TRRAP: variants seen among roughly 807,000 people sequenced by gnomAD.
TRRAP encodes the protein transformation/transcription domain associated protein, also known as transformation/transcription domain-associated protein.
In TRRAP, 41 loss-of-function variants were observed where a neutral mutation model predicts 438.8. The ratio of observed to expected loss-of-function variants is 0.09; its 90% CI spans 0.07 to 0.12. The LOEUF is 0.12. Ranked by LOEUF, TRRAP falls within the 10% of genes least tolerant of loss-of-function variation. The pLI is 1.00. For synonymous variants in TRRAP, 1,994 were observed against 1,962.9 expected (o/e 1.02, Z -0.42); for missense variants, 3,122 against 5,055.1 (o/e 0.62, Z 11.60).
chr7:98,925,065 C>T (rs1554411312), intron 21 of TRRAP, 47 bp from the exon 22 acceptor site: 2 of 1,562,490 alleles, frequency 1.3e-6, no homozygotes, highest in Admixed American at 4.0e-5. Context: ...TTTTCACAAT[C>T]ATGTAATTTC....
intron 17 of TRRAP, 101 bp downstream of exon 17, chr7:98,911,372 C>G: frequency 8.4e-7 from 1 of 1,188,122 alleles, no homozygotes; most frequent in Non-Finnish European, 1.1e-6. Context: ...ATAATGTAGC[C>G]AAGGATGTGC....
intron 35 of TRRAP, 131 bp from the exon 36 acceptor site, chr7:98,949,286 T>G: frequency 2.6e-6 from 3 of 1,151,532 alleles, no homozygotes; most frequent in Non-Finnish European, 1.1e-6. Flanking sequence ...GTGTGGTGCT[T>G]TTTTGGTAAG....
chr7:98,909,129 TTC>T (rs1796934760), intron 14 of TRRAP, among the ~76,000 whole-genome samples, 167 bp downstream of exon 14: 1 of 151,912 alleles, frequency 6.6e-6, no homozygotes, highest in African/African-American at 2.4e-5. Flanking sequence ...GTTCAAGTGA[TTC>T]TCATGCCTCA....
In TRRAP at chr7:98,910,318, A is replaced by G; in HGVS notation, c.1613A>G (p.Lys538Arg). The change falls in exon 15 of 73, where the codon AAG becomes AGG. Residue 538 changes from lysine (K) to arginine (R), a missense_variant. Lys to Arg is a conservative substitution (Grantham distance 26, BLOSUM62 2). Transcript: ENST00000456197. ...CAAGGAGAAAAGGACAAGGAAGACA[A>G]GCAGACATTCCAAGTCACAGACTGT... Reference protein sequence around the residue: ...EKQGEKDKEDKQTFQVTDCRS... With the variant: ...EKQGEKDKEDRQTFQVTDCRS... 1 of 1,610,268 alleles carries G rather than the reference A, an allele frequency of 6.2e-7. No homozygotes were observed. Among genetic ancestry groups the G allele is most frequent in the African/African-American group, 1.3e-5 (1 of 74,866 alleles).
intron 3 of TRRAP, among the ~76,000 whole-genome samples, chr7:98,888,303 A>G (rs1275658420): frequency 6.6e-6 from 1 of 151,746 alleles, no homozygotes; most frequent in East Asian, 1.9e-4. Flanking sequence ...TTGGGAGGCC[A>G]AAGCAGGTGG....
intron 3 of TRRAP, among the ~76,000 whole-genome samples, 159 bp from the exon 4 acceptor site, chr7:98,890,176 T>A (rs1562926982): frequency 6.6e-6 from 1 of 152,240 alleles, no homozygotes; most frequent in African/African-American, 2.4e-5. Context: ...AATACAATCA[T>A]CCTAATTTAA....
rs782666297 is a variant in TRRAP, at chr7:98,927,372, C to T, written c.3175+6C>T. 1 of 1,613,884 alleles carries T rather than the reference C, an allele frequency of 6.2e-7. No homozygotes were observed. Among genetic ancestry groups the T allele is most frequent in the Non-Finnish European group, 8.5e-7 (1 of 1,179,918 alleles). ...GGCAGTCGCCCAGCAGTGTGGTGAG[C>T]ACGGGGGCACGGTGGGGCACGGGAT... On this transcript the variant is annotated splice_donor_region_variant and intron_variant, in intron 23 of 72. Coordinates refer to ENST00000456197, the MANE Select transcript of TRRAP (RefSeq NM_001375524.1).
At chr7:98,939,183 C>G (rs1790684637) in intron 30 of TRRAP, among the ~76,000 whole-genome samples, 1 of 152,144 alleles carries the variant, frequency 6.6e-6, no homozygotes, top group South Asian at 2.1e-4. Flanking sequence ...AGCCTTTGAC[C>G]ATTTGACGTT....
At chr7:99,010,967 A>T in intron 70 of TRRAP, 85 bp from the exon 71 acceptor site, 2 of 1,352,044 alleles carry the variant, frequency 1.5e-6, no homozygotes, top group Non-Finnish European at 2.1e-6. Flanking sequence ...GTGCTAAGTT[A>T]AAGAGGAATT....
chr7:98,898,709 A>G (rs1298518063), intron 8 of TRRAP, among the ~76,000 whole-genome samples: 1 of 152,062 alleles, frequency 6.6e-6, no homozygotes, highest in Non-Finnish European at 1.5e-5. Context: ...GAACTTTTGT[A>G]TATTGTAAGC....
In TRRAP at chr7:98,909,904, A is replaced by G. The variant is rs1796986565; in HGVS notation, c.1351-152A>G. 3.6e-6 allele frequency: 5 copies of G among 1,398,468 alleles called. No individual in the cohort carries two copies. In the South Asian group the frequency reaches 5.5e-5, roughly 15 times the overall value. The allele number at this position is 1,398,468 out of a possible 1,614,324, so 86.6% of individuals were successfully genotyped here. The stretch of plus-strand genomic sequence containing the variant: ...AGTTTCATCAGAAGTAATGGCAAAA[A>G]CTGCAATTCCTTTGACACCAACCTC... On this transcript the variant is annotated intron_variant, in intron 14 of 72. Transcript: ENST00000456197.
chr7:98,961,537 T>C lies in TRRAP; in HGVS notation c.6703+63T>C, dbSNP rs79519823. 6,766 of 1,567,676 alleles carry C rather than the reference T, an allele frequency of 4.3e-3. 16 individuals carry two copies. The highest frequency in any genetic ancestry group is 6.6e-3 in the Middle Eastern group (31 of 4,716). ...TGGACGGTGGGCGCGGAGCTTGCTA[T>C]GAGAGCGCTTGTCCTCCAGTTATTG... On this transcript the variant is annotated intron_variant, in intron 46 of 72. Transcript: ENST00000456197.
rs577914708 is a variant in TRRAP, at chr7:98,989,707, G to A, written c.9591+741G>A. On this transcript the variant is annotated intron_variant, in intron 63 of 72. Coordinates refer to ENST00000456197, the MANE Select transcript of TRRAP (RefSeq NM_001375524.1). ...GGCTCCGGGTTGCTTACACCCAGAT[G>A]TAATTGTTTCAGTCGTCCATGGACA... Among the ~76,000 whole-genome samples the A allele has an allele frequency of 1.2e-3, 185 of 152,378 alleles. 1 individual carries two copies. Among genetic ancestry groups the A allele is most frequent in the African/African-American group, 3.9e-3 (163 of 41,596 alleles).
intron 67 of TRRAP, among the ~76,000 whole-genome samples, chr7:98,995,753 C>T (rs749797259): frequency 6.6e-6 from 1 of 151,142 alleles, no homozygotes; most frequent in Non-Finnish European, 1.5e-5. Context: ...GCACCCCATC[C>T]ACTCACCTGT....
At chr7:98,949,373 GT>G in intron 35 of TRRAP, 43 bp from the exon 36 acceptor site, 1 of 1,450,994 alleles carries the variant, frequency 6.9e-7, no homozygotes. Context: ...CTTTCTGTGA[GT>G]TTGATTAGCT....
rs1790645684 is a variant in TRRAP, at chr7:98,938,335, C to CTTG, written c.4404+515_4404+516insTTG. Among the ~76,000 whole-genome samples, 9 of 152,074 alleles carry CTTG rather than the reference C, an allele frequency of 5.9e-5. No homozygotes were observed. In the South Asian group the frequency reaches 1.9e-3, roughly 32 times the overall value. On this transcript the variant is annotated intron_variant, in intron 30 of 72. Coordinates refer to ENST00000456197, the MANE Select transcript of TRRAP (RefSeq NM_001375524.1). ...GTCTGGGTGACAGAGCAAGACCCTGCCTCAAAAAATAAATAAATAAAAACA... is the reference window on the plus strand; with the variant it reads ...GTCTGGGTGACAGAGCAAGACCCTGCTTGCTCAAAAAATAAATAAATAAAAACA...
At chr7:98,915,450 C>A (rs1353799513) in intron 18 of TRRAP, among the ~76,000 whole-genome samples, 1 of 152,178 alleles carries the variant, frequency 6.6e-6, no homozygotes, top group Non-Finnish European at 1.5e-5. Context: ...CCTTGGCCTC[C>A]CAAAGTGCTG....
intron 66 of TRRAP, among the ~76,000 whole-genome samples, 166 bp downstream of exon 66, chr7:98,993,903 C>T (rs1793533882): frequency 6.6e-6 from 1 of 152,158 alleles, no homozygotes; most frequent in South Asian, 2.1e-4. Flanking sequence ...CACACTAGTA[C>T]AGCCTTAAAG....
At chr7:98,969,446 G>A (rs1339648489) in intron 51 of TRRAP, among the ~76,000 whole-genome samples, 1 of 152,242 alleles carries the variant, frequency 6.6e-6, no homozygotes, top group Non-Finnish European at 1.5e-5. Context: ...GTGAGCACAT[G>A]CCTGGCTGTG....
Sources: gnomAD v4.1 joint callset for allele counts (sites outside exome capture counted in the v4.1 genomes callset) on GRCh38, gnomAD v4.1.1 for gene constraint, MANE v1.5 for transcripts, NCBI Gene and HGNC (gene_info 2026-07-23, HGNC 2026-07-21) for gene names.